The following GLMN variants were observed in gnomAD, a reference collection of about 807,000 sequenced individuals.
The protein encoded by GLMN is glomulin.
A neutral mutation model predicts 87.8 loss-of-function variants in GLMN; 75 were observed. The observed-to-expected ratio is 0.85, with a 90% confidence interval of 0.71 to 1.04. The LOEUF is 1.04. GLMN is among the 50% of genes least tolerant of loss of function. The pLI, the probability that GLMN is intolerant of heterozygous loss-of-function variation, is 0.00. For synonymous variants in GLMN, 206 were observed against 221.6 expected (o/e 0.93, Z 0.63); for missense variants, 588 against 658.8 (o/e 0.89, Z 1.18).
At chr1:92,258,496 A>ACCAAC (rs1276612877) in intron 16 of GLMN, among the ~76,000 whole-genome samples, 1 of 152,228 alleles carries the variant, frequency 6.6e-6, no homozygotes, top group African/African-American at 2.4e-5. Flanking sequence ...AAGACTTGGA[A>ACCAAC]CCAACCCAAA....
intron 16 of GLMN, among the ~76,000 whole-genome samples, chr1:92,258,239 A>G (rs1269906031): frequency 8.0e-6 from 1 of 124,938 alleles, no homozygotes; most frequent in Non-Finnish European, 1.7e-5. Context: ...CGATCATTAA[A>G]AAGTCAGGAA....
chr1:92,267,884 T>G, intron 11 of GLMN, 29 bp downstream of exon 11: 1 of 1,053,932 alleles, frequency 9.5e-7, no homozygotes, highest in Non-Finnish European at 1.5e-6. Flanking sequence ...AAGGGCTATT[T>G]TCAATATTAG....
the GLMN span, among the ~76,000 whole-genome samples, chr1:92,347,299 T>C: frequency 6.6e-6 from 1 of 152,204 alleles, no homozygotes; most frequent in African/African-American, 2.4e-5. Flanking sequence ...TTTATGAAAT[T>C]TGTAAATATT....
chr1:92,301,524 A>G, upstream of GLMN: 1 of 1,598,014 alleles, frequency 6.3e-7, no homozygotes, highest in Non-Finnish European at 8.5e-7. Context: ...AATTTGAGAG[A>G]AAAGCTCTAC....
the GLMN span, among the ~76,000 whole-genome samples, chr1:92,305,135 C>CA: frequency 4.1e-3 from 596 of 145,388 alleles, 1 homozygote; most frequent in African/African-American, 0.013. Context: ...ACACTGTCTT[C>CA]AAAAAAAAGA....
At chr1:92,252,568 A>G (rs1653659887) in intron 16 of GLMN, among the ~76,000 whole-genome samples, 1 of 152,200 alleles carries the variant, frequency 6.6e-6, no homozygotes, top group Non-Finnish European at 1.5e-5. Flanking sequence ...TAGCCTAAAG[A>G]AATTTTTTAC....
chr1:92,302,940 T>C (rs1020581759), upstream of GLMN, among the ~76,000 whole-genome samples: 1 of 151,442 alleles, frequency 6.6e-6, no homozygotes, highest in Non-Finnish European at 1.5e-5. Context: ...GGCTCATACC[T>C]GTAATCCCAG....
chr1:92,337,262 T>G, the GLMN span, among the ~76,000 whole-genome samples: 2 of 152,206 alleles, frequency 1.3e-5, no homozygotes, highest in East Asian at 3.9e-4. Flanking sequence ...AAGTGTAAAA[T>G]TACAGTACAG....
chr1:92,299,779 A>G (rs551383344), upstream of GLMN, among the ~76,000 whole-genome samples: 1 of 152,362 alleles, frequency 6.6e-6, no homozygotes, highest in Non-Finnish European at 1.5e-5. Flanking sequence ...AAATATGTGG[A>G]AAAGAAGAAA....
chr1:92,252,624 G>A (rs1653668802), intron 16 of GLMN, among the ~76,000 whole-genome samples: 1 of 152,090 alleles, frequency 6.6e-6, no homozygotes, highest in African/African-American at 2.4e-5. Context: ...ATGATAAACT[G>A]TAATATTTTT....
chr1:92,251,896 A>G (rs1312724091), intron 16 of GLMN, among the ~76,000 whole-genome samples: 3 of 151,842 alleles, frequency 2.0e-5, no homozygotes, highest in Non-Finnish European at 4.4e-5. Context: ...ACTGGGTTCA[A>G]GCAATTCTCC....
the GLMN span, chr1:92,333,536 A>T: frequency 3.6e-6 from 4 of 1,107,220 alleles, no homozygotes; most frequent in African/African-American, 6.1e-5. Context: ...ATTTAAGCTC[A>T]TAATGTGTAA....
chr1:92,296,856 C>T (rs1432466251), intron 3 of GLMN, among the ~76,000 whole-genome samples: 2 of 152,106 alleles, frequency 1.3e-5, no homozygotes, highest in East Asian at 3.8e-4. Context: ...ATTTGGTTTT[C>T]CATACACATT....
the GLMN span, among the ~76,000 whole-genome samples, chr1:92,356,082 T>C: frequency 6.6e-6 from 1 of 152,210 alleles, no homozygotes; most frequent in African/African-American, 2.4e-5. Context: ...TACAGAATCC[T>C]CACTCCAACT....
At chr1:92,369,930 G>A in the GLMN span, among the ~76,000 whole-genome samples, 1 of 152,148 alleles carries the variant, frequency 6.6e-6, no homozygotes, top group Admixed American at 6.5e-5. Context: ...TGTCACCCAG[G>A]CTGGAGTGCA....
At chr1:92,309,782 A>T in the GLMN span, among the ~76,000 whole-genome samples, 8 of 152,248 alleles carry the variant, frequency 5.3e-5, no homozygotes, top group Admixed American at 6.5e-5. Context: ...GTGAGAAAAT[A>T]AACTTGTGGG....
intron 7 of GLMN, among the ~76,000 whole-genome samples, chr1:92,285,367 G>C (rs1462355471): frequency 2.0e-5 from 3 of 151,976 alleles, no homozygotes; most frequent in Non-Finnish European, 4.4e-5. Flanking sequence ...CACAAGAACA[G>C]AAAACCAAAC....
the GLMN span, among the ~76,000 whole-genome samples, chr1:92,309,211 A>AG: frequency 3.3e-4 from 50 of 152,198 alleles, no homozygotes; most frequent in African/African-American, 9.6e-4. Context: ...TGGGAGGCCG[A>AG]GGGGGGCAGA....
At chr1:92,247,038 A>G in intron 18 of GLMN, 24 bp downstream of exon 18, 11 of 1,180,282 alleles carry the variant, frequency 9.3e-6, no homozygotes, top group Non-Finnish European at 1.1e-5. Flanking sequence ...AAGAAAAAGG[A>G]AAGAAAAGAA....
Sources: allele counts gnomAD v4.1 joint callset (sites outside exome capture counted in the v4.1 genomes callset), GRCh38; gene constraint gnomAD v4.1.1; transcripts MANE v1.5; gene names NCBI Gene and HGNC (gene_info 2026-07-23, HGNC 2026-07-21).